DOCK7: variants seen among roughly 807,000 people sequenced by gnomAD.
DOCK7 encodes dedicator of cytokinesis 7.
In DOCK7, 138 loss-of-function variants were observed where a neutral mutation model predicts 271.0. That is an observed-to-expected ratio of 0.51 (90% CI 0.44 to 0.59). DOCK7 has a LOEUF of 0.59. Ranked by LOEUF, DOCK7 falls within the 20% of genes least tolerant of loss-of-function variation. The pLI is 0.00. For synonymous variants in DOCK7, 823 were observed against 876.1 expected (o/e 0.94, Z 1.07); for missense variants, 2,066 against 2,592.4 (o/e 0.80, Z 4.41).
chr1:62,508,016 G>C lies in DOCK7; in HGVS notation c.4422C>G (p.Asn1474Lys). The change falls in exon 35 of 50, where the codon AAC (asparagine) becomes AAG (lysine). Residue 1474 changes from asparagine to lysine, a missense_variant. Around this residue, in one of 2 missense-constraint regions of DOCK7, gnomAD observed 652 missense variants for 922.1 expected, o/e 0.71. Transcript: ENST00000635253. ...TGATTAGGTTTGCTTCTGTAGCCAG[G>C]TTTCCATCAATCAGTGCTTCGTGTT... Reference protein sequence around the residue: ...EIEHEALIDGNLATEANLIIL... With the variant: ...EIEHEALIDGKLATEANLIIL... 2.5e-6 allele frequency: 4 copies of C among 1,612,986 alleles called. No homozygotes were observed. The highest frequency in any genetic ancestry group is 3.4e-6 in the Non-Finnish European group (4 of 1,179,718).
chr1:62,575,411 T>C (rs1199795668), intron 18 of DOCK7, among the ~76,000 whole-genome samples: 1 of 152,160 alleles, frequency 6.6e-6, no homozygotes, highest in Non-Finnish European at 1.5e-5. Flanking sequence ...CCACTTCTAC[T>C]TAGTGATAGT....
chr1:62,660,877 T>A (rs1277121504), intron 2 of DOCK7, among the ~76,000 whole-genome samples: 5 of 152,106 alleles, frequency 3.3e-5, no homozygotes, highest in Admixed American at 6.6e-5. Context: ...CCAAAGAGGA[T>A]CACTTGAACC....
At chr1:62,568,689 CCAA>C (rs1239232826) in intron 18 of DOCK7, among the ~76,000 whole-genome samples, 2 of 148,264 alleles carry the variant, frequency 1.3e-5, no homozygotes, top group African/African-American at 2.5e-5. Context: ...AGAACCACCA[CCAA>C]CAACAACAAA....
chr1:62,664,255 A>G (rs1019927634), intron 1 of DOCK7, among the ~76,000 whole-genome samples: 1 of 152,230 alleles, frequency 6.6e-6, no homozygotes, highest in African/African-American at 2.4e-5. Context: ...CTTGAATTAT[A>G]GCTCCCATAA....
chr1:62,616,292 T>C (rs1428859502), intron 14 of DOCK7, among the ~76,000 whole-genome samples: 1 of 151,750 alleles, frequency 6.6e-6, no homozygotes, highest in Non-Finnish European at 1.5e-5. Context: ...CTGGATTATC[T>C]ATATTGGCTC....
chr1:62,648,605 T>C, intron 4 of DOCK7, 61 bp from the exon 5 acceptor site: 2 of 953,548 alleles, frequency 2.1e-6, no homozygotes, highest in Non-Finnish European at 2.9e-6. Flanking sequence ...TTTTCACTTT[T>C]TGGGCATCAT....
At chr1:62,538,625 A>G (rs941724083) in intron 27 of DOCK7, among the ~76,000 whole-genome samples, 2 of 152,188 alleles carry the variant, frequency 1.3e-5, no homozygotes, top group Non-Finnish European at 2.9e-5. Flanking sequence ...AAAATGATAC[A>G]TATCGTGTTG....
At chr1:62,640,319 CTGGCCAACA>C (rs1424526107) in intron 7 of DOCK7, among the ~76,000 whole-genome samples, 4 of 151,974 alleles carry the variant, frequency 2.6e-5, no homozygotes, top group Admixed American at 1.3e-4. Flanking sequence ...CGAGACCATC[CTGGCCAACA>C]TGGCCAACAT....
chr1:62,576,181 A>G (rs987754077), intron 18 of DOCK7, among the ~76,000 whole-genome samples: 30 of 152,216 alleles, frequency 2.0e-4, no homozygotes, highest in African/African-American at 7.0e-4. Flanking sequence ...TAGTGTTTAT[A>G]CTCTATAGAG....
chr1:62,614,678 C>T (rs1652225241), intron 14 of DOCK7, among the ~76,000 whole-genome samples: 1 of 151,940 alleles, frequency 6.6e-6, no homozygotes, highest in African/African-American at 2.4e-5. Flanking sequence ...TTGTGACATG[C>T]ACTTTACACA....
intron 22 of DOCK7, among the ~76,000 whole-genome samples, chr1:62,545,372 A>G (rs904856554): frequency 6.6e-6 from 1 of 152,192 alleles, no homozygotes; most frequent in Admixed American, 6.5e-5. Flanking sequence ...CAAGTTAGCA[A>G]CAGGTAATTT....
rs368970053 is a variant in DOCK7, at chr1:62,662,655, G to A, written c.144+370C>T. Reference sequence around the variant, plus strand: ...ACATGCCTGTAGTCCCAGCTACTCAGGAGGCTAAGGCATGAGAATCACTGG... The same window carrying A: ...ACATGCCTGTAGTCCCAGCTACTCAAGAGGCTAAGGCATGAGAATCACTGG... On this transcript the variant is annotated intron_variant, in intron 2 of 49. Transcript: ENST00000635253. 8.5e-5 allele frequency among the ~76,000 whole-genome samples: 13 copies of A among 152,208 alleles called. No homozygotes were observed. The East Asian group carries it at 1.7e-3, about 20-fold the overall frequency.
chr1:62,571,488 T>C (rs527509558), intron 18 of DOCK7, among the ~76,000 whole-genome samples: 34 of 152,202 alleles, frequency 2.2e-4, no homozygotes, highest in Non-Finnish European at 4.4e-4. Context: ...GTGGAAAACA[T>C]TGTGGAGATT....
At position 62,542,694 on chromosome 1, in the gene DOCK7, C is replaced by T. The variant is rs540487612; in HGVS notation, c.2959G>A (p.Glu987Lys). 3.7e-6 allele frequency: 6 copies of T among 1,612,536 alleles called. No individual in the cohort carries two copies. The highest frequency in any genetic ancestry group is 1.7e-5 in the Admixed American group (1 of 59,874). The change falls in exon 25 of 50, where the codon GAG becomes AAG. Residue 987 changes from glutamate (E) to lysine (K), a missense_variant. Around this residue, in one of 2 missense-constraint regions of DOCK7, gnomAD observed 1,414 missense variants for 1,670.4 expected, o/e 0.85. Transcript: ENST00000635253. ...GRLPTKKLFH[E>K]ELALQWVVCS... Reference sequence around the variant, plus strand: ...ACAACCCACTGCAAAGCCAGCTCCTCGTGAAAAAGCTATCCAGAAGTAAAT... The same window carrying T: ...ACAACCCACTGCAAAGCCAGCTCCTTGTGAAAAAGCTATCCAGAAGTAAAT...
Position 62,646,653 on chromosome 1 carries a change from C to G in DOCK7, c.818+1038G>C, listed in dbSNP as rs201574053. 3.3e-5 allele frequency among the ~76,000 whole-genome samples: 5 copies of G among 152,240 alleles called. No homozygotes were observed. The East Asian group carries it at 7.7e-4, about 24-fold the overall frequency. On this transcript the variant is annotated intron_variant, in intron 7 of 49. Transcript: ENST00000635253. ...GAGAGATGCCTCATGAGAAACCAAC[C>G]CACTGGCACCCTGATCTTTGACTTC... is the stretch of plus-strand genomic sequence containing the variant.
At chr1:62,466,697 C>T (rs760362226) in intron 48 of DOCK7, among the ~76,000 whole-genome samples, 24 of 151,978 alleles carry the variant, frequency 1.6e-4, no homozygotes, top group African/African-American at 4.8e-4. Flanking sequence ...TTTGGGAATC[C>T]GAGGCAGGTG....
intron 35 of DOCK7, among the ~76,000 whole-genome samples, chr1:62,507,159 TG>T (rs1206017761): frequency 6.6e-6 from 1 of 151,706 alleles, no homozygotes; most frequent in Non-Finnish European, 1.5e-5. Flanking sequence ...GAATGGATGG[TG>T]GGAAGAATAC....
intron 12 of DOCK7, among the ~76,000 whole-genome samples, chr1:62,622,328 C>A (rs1653358902): frequency 6.6e-6 from 1 of 151,966 alleles, no homozygotes; most frequent in South Asian, 2.1e-4. Context: ...CTGTCCTGTA[C>A]CACTGAAAAA....
In DOCK7 at chr1:62,648,442, TG is replaced by T; in HGVS notation, c.491del (p.Pro164GlnfsTer20). On this transcript the variant is annotated frameshift_variant, in exon 5 of 50. Transcript: ENST00000635253. LOFTEE classifies it high-confidence loss of function. ...GATCATCCTGGTAGCTGTTGCCATC[TG>T]GAGCTTCATCAGATTCAAAAACTTG... ...PKQVFESDEA[P>X]DGNSYQDDQD... 6.4e-7 allele frequency: 1 copy of T among 1,550,650 alleles called. No individual in the cohort carries two copies. Among genetic ancestry groups the T allele is most frequent in the South Asian group, 1.3e-5 (1 of 78,844 alleles).
Sources: gnomAD v4.1 joint callset for allele counts (sites outside exome capture counted in the v4.1 genomes callset) on GRCh38, gnomAD v4.1.1 for gene constraint, gnomAD v4.1.1 regional missense constraint, MANE v1.5 for transcripts, NCBI Gene and HGNC (gene_info 2026-07-23, HGNC 2026-07-21) for gene names.